ADAM12: variants seen among roughly 807,000 people sequenced by gnomAD.
ADAM12 encodes disintegrin and metalloproteinase domain-containing protein 12.
In ADAM12, 70 loss-of-function variants were observed where a neutral mutation model predicts 106.4. The observed-to-expected ratio is 0.66, with a 90% CI of 0.54 to 0.80. ADAM12 has a LOEUF of 0.80. Among genes scored for constraint, ADAM12 ranks in the 30% least tolerant of loss-of-function variants. The pLI is 0.00. For missense variants in ADAM12, 1,010 were observed against 1,171.9 expected (o/e 0.86, Z 2.02); for synonymous variants, 420 against 433.5 (o/e 0.97, Z 0.39).
intron 2 of ADAM12, among the ~76,000 whole-genome samples, chr10:126,305,386 G>A (rs915311419): frequency 4.6e-5 from 7 of 151,992 alleles, no homozygotes; most frequent in African/African-American, 1.7e-4. Flanking sequence ...ACATGATTTC[G>A]TACATATGAG....
chr10:126,346,296 G>A (rs1341950710), intron 1 of ADAM12, among the ~76,000 whole-genome samples: 1 of 152,138 alleles, frequency 6.6e-6, no homozygotes, highest in African/African-American at 2.4e-5. Context: ...AGCCATTCAG[G>A]AGCAGGTTGT....
chr10:126,333,095 G>A (rs1262865838), intron 1 of ADAM12, among the ~76,000 whole-genome samples: 3 of 152,180 alleles, frequency 2.0e-5, no homozygotes, highest in Admixed American at 6.5e-5. Context: ...GGGCATTGGC[G>A]TAGTCTTTGG....
At position 126,275,318 on chromosome 10, in the gene ADAM12, C is replaced by G. The variant is rs912639945; in HGVS notation, c.260+3597G>C. ...TAGTAGAAGTATGAAAGTTATCAAC[C>G]TGGTTTCTACAGGTCCATAGGCAGA... On this transcript the variant is annotated intron_variant, in intron 3 of 22. Transcript: ENST00000448723. Among the ~76,000 whole-genome samples, 6 of 152,274 alleles carry G rather than the reference C, an allele frequency of 3.9e-5. No homozygotes were observed. In the East Asian group the frequency reaches 5.8e-4, roughly 15 times the overall value.
chr10:126,092,730 T>C (rs1196336364), intron 11 of ADAM12, among the ~76,000 whole-genome samples: 1 of 152,176 alleles, frequency 6.6e-6, no homozygotes, highest in Non-Finnish European at 1.5e-5. Context: ...AAGATGCCCC[T>C]GAAGCCTCTG....
intron 2 of ADAM12, among the ~76,000 whole-genome samples, chr10:126,281,570 G>A (rs1959582928): frequency 6.6e-6 from 1 of 152,178 alleles, no homozygotes; most frequent in Non-Finnish European, 1.5e-5. Context: ...GGTATGACTA[G>A]TAAAGGAGAA....
intron 3 of ADAM12, among the ~76,000 whole-genome samples, chr10:126,193,450 A>G (rs1292969809): frequency 6.6e-6 from 1 of 152,166 alleles, no homozygotes; most frequent in East Asian, 1.9e-4. Flanking sequence ...GCCACTGGTC[A>G]AATACATTAG....
intron 11 of ADAM12, among the ~76,000 whole-genome samples, chr10:126,080,468 T>C (rs1394342814): frequency 1.3e-5 from 2 of 152,180 alleles, no homozygotes; most frequent in African/African-American, 4.8e-5. Flanking sequence ...AAAGAAGCCC[T>C]TTAGCACGAT....
At chr10:126,037,451 C>T (rs1233459215) in intron 20 of ADAM12, among the ~76,000 whole-genome samples, 2 of 152,088 alleles carry the variant, frequency 1.3e-5, no homozygotes, top group Non-Finnish European at 2.9e-5. Flanking sequence ...CCACCCTTTG[C>T]GTTTTTTGGA....
At chr10:126,173,276 A>C (rs191051208) in intron 3 of ADAM12, among the ~76,000 whole-genome samples, 1 of 152,238 alleles carries the variant, frequency 6.6e-6, no homozygotes, top group Admixed American at 6.5e-5. Flanking sequence ...ACACAAATTG[A>C]AGTGTTAAGA....
At chr10:126,076,171 C>T (rs1046228330) in intron 11 of ADAM12, among the ~76,000 whole-genome samples, 2 of 152,180 alleles carry the variant, frequency 1.3e-5, no homozygotes, top group African/African-American at 2.4e-5. Context: ...TAAGTGAGAA[C>T]ACGTGGTATT....
intron 3 of ADAM12, among the ~76,000 whole-genome samples, chr10:126,224,759 C>T (rs370536262): frequency 1.6e-4 from 24 of 152,342 alleles, no homozygotes; most frequent in Non-Finnish European, 2.4e-4. Context: ...TCAGGTCAAA[C>T]GTCTGTTGCC....
chr10:126,134,878 G>T (rs1390420013), intron 5 of ADAM12, among the ~76,000 whole-genome samples: 1 of 152,188 alleles, frequency 6.6e-6, no homozygotes, highest in Non-Finnish European at 1.5e-5. Context: ...GGACTCTGAG[G>T]TTACAAACAT....
chr10:126,196,550 T>C (rs1957600031), intron 3 of ADAM12, among the ~76,000 whole-genome samples: 1 of 152,242 alleles, frequency 6.6e-6, no homozygotes, highest in African/African-American at 2.4e-5. Flanking sequence ...TGAGCAACTC[T>C]GATTGGCTCA....
chr10:126,237,160 T>C (rs1958434955), intron 3 of ADAM12, among the ~76,000 whole-genome samples: 1 of 152,216 alleles, frequency 6.6e-6, no homozygotes, highest in South Asian at 2.1e-4. Flanking sequence ...TCAGATATTT[T>C]CTTTAAAACT....
At chr10:126,318,525 AAC>A (rs944505970) in intron 2 of ADAM12, among the ~76,000 whole-genome samples, 6 of 146,956 alleles carry the variant, frequency 4.1e-5, no homozygotes, top group Non-Finnish European at 9.0e-5. Flanking sequence ...CACTCATTCT[AAC>A]ACACACTTTC....
At chr10:126,270,957 T>C (rs1444154902) in intron 3 of ADAM12, among the ~76,000 whole-genome samples, 1 of 152,314 alleles carries the variant, frequency 6.6e-6, no homozygotes, top group South Asian at 2.1e-4. Flanking sequence ...TGCCTCTCCA[T>C]GTTCTGCCCA....
At chr10:126,210,117 C>T (rs10901559) in intron 3 of ADAM12, among the ~76,000 whole-genome samples, 38,196 of 152,084 alleles carry the variant, frequency 0.25, 5,195 homozygotes, top group African/African-American at 0.35. Context: ...CTGCCAGGTA[C>T]ATTCATGCCT....
intron 2 of ADAM12, among the ~76,000 whole-genome samples, chr10:126,289,710 T>G (rs568704597): frequency 2.8e-4 from 42 of 152,312 alleles, no homozygotes; most frequent in Admixed American, 7.8e-4. Context: ...CTATTTCATT[T>G]TGGAAATGTA....
intron 3 of ADAM12, among the ~76,000 whole-genome samples, chr10:126,234,431 A>G (rs1439909730): frequency 3.9e-5 from 6 of 152,216 alleles, no homozygotes; most frequent in Non-Finnish European, 7.3e-5. Flanking sequence ...TCTCAAATAT[A>G]CAAATGCAGA....
Sources: gnomAD v4.1 joint callset for allele counts (sites outside exome capture counted in the v4.1 genomes callset) on GRCh38, gnomAD v4.1.1 for gene constraint, MANE v1.5 for transcripts, NCBI Gene and HGNC (gene_info 2026-07-23, HGNC 2026-07-21) for gene names.